Variants in DIP2C observed in about 807,000 individuals in gnomAD.
DIP2C encodes the protein disco-interacting protein 2 homolog C.
A neutral mutation model predicts 192.4 loss-of-function variants in DIP2C; 33 were observed. The observed-to-expected ratio is 0.17, with a 90% CI of 0.13 to 0.23. DIP2C has a LOEUF of 0.23. DIP2C is among the 10% of genes least tolerant of loss of function. The pLI, the probability that DIP2C is intolerant of heterozygous loss-of-function variation, is 1.00. For missense variants in DIP2C, 1,537 were observed against 2,110.1 expected (o/e 0.73, Z 5.32); for synonymous variants, 979 against 864.1 (o/e 1.13, Z -2.33).
intron 6 of DIP2C, among the ~76,000 whole-genome samples, 165 bp from the exon 7 acceptor site, chr10:416,053 G>A (rs533437412): frequency 2.0e-5 from 3 of 151,252 alleles, no homozygotes; most frequent in South Asian, 2.1e-4. Flanking sequence ...CGGTAGCCCC[G>A]TGGCTAGGCA....
Position 548,210 on chromosome 10 carries a change from C to CCCCA in DIP2C, c.86-61681_86-61680insTGGG, listed in dbSNP as rs1175137145. On this transcript the variant is annotated intron_variant, in intron 1 of 36. Transcript: ENST00000280886. The stretch of plus-strand genomic sequence containing the variant: ...TCCAATTCACACGAGTCTGCCCCAC[C>CCCCA]CCCCCCCCCACAGGAAAGCCCTGGT... Among the ~76,000 whole-genome samples the CCCCA allele has an allele frequency of 7.3e-4, 76 of 103,612 alleles. 5 individuals are homozygous for CCCCA. The highest frequency in any genetic ancestry group is 1.3e-3 in the Admixed American group (15 of 11,132). 68.0% of individuals were successfully genotyped at this position (103,612 alleles called of 152,430 possible). A position where few individuals can be genotyped will look rare whatever the true frequency, so the allele number is the denominator to read the frequency against.
chr10:617,826 C>G (rs1202170659), intron 1 of DIP2C, among the ~76,000 whole-genome samples: 1 of 152,294 alleles, frequency 6.6e-6, no homozygotes, highest in South Asian at 2.1e-4. Flanking sequence ...TAACCGCCCC[C>G]CCAGCCCCAG....
At chr10:550,467 G>C (rs1390743927) in intron 1 of DIP2C, among the ~76,000 whole-genome samples, 2 of 152,210 alleles carry the variant, frequency 1.3e-5, no homozygotes, top group African/African-American at 2.4e-5. Flanking sequence ...TATGGACAAA[G>C]TGGCTCTAAG....
intron 1 of DIP2C, among the ~76,000 whole-genome samples, chr10:517,371 C>G (rs1014831108): frequency 5.3e-5 from 8 of 152,136 alleles, no homozygotes; most frequent in African/African-American, 1.2e-4. Flanking sequence ...GGAGGGGAGT[C>G]GAGGGCAGTC....
chr10:531,302 TG>T (rs763393738), intron 1 of DIP2C, among the ~76,000 whole-genome samples: 2 of 151,886 alleles, frequency 1.3e-5, no homozygotes, highest in Admixed American at 6.6e-5. Context: ...TCCACGAACC[TG>T]ATGAACACAC....
chr10:385,044 CG>C (rs1156988102), intron 14 of DIP2C, among the ~76,000 whole-genome samples: 1 of 145,308 alleles, frequency 6.9e-6, no homozygotes, highest in Non-Finnish European at 1.5e-5. Flanking sequence ...CCAGGCTGCA[CG>C]GGCCCTGAGG....
intron 24 of DIP2C, among the ~76,000 whole-genome samples, chr10:349,780 G>A (rs1958702302): frequency 6.6e-6 from 1 of 152,100 alleles, no homozygotes; most frequent in East Asian, 1.9e-4. Context: ...AAAAAACCCT[G>A]GCAATTCTGG....
chr10:332,193 C>T (rs527248622), intron 29 of DIP2C, among the ~76,000 whole-genome samples: 1 of 152,274 alleles, frequency 6.6e-6, no homozygotes, highest in Non-Finnish European at 1.5e-5. Flanking sequence ...TTCAAGCAAT[C>T]CTCCTGCCTC....
chr10:545,897 T>C (rs565480117), intron 1 of DIP2C, among the ~76,000 whole-genome samples: 2 of 152,354 alleles, frequency 1.3e-5, no homozygotes, highest in South Asian at 2.1e-4. Context: ...TGAAGAATCA[T>C]GGACAATTTG....
intron 32 of DIP2C, among the ~76,000 whole-genome samples, chr10:292,244 G>A (rs1033828179): frequency 5.3e-5 from 8 of 152,214 alleles, no homozygotes; most frequent in African/African-American, 1.9e-4. Context: ...CATTACTGCT[G>A]ACACCCTTCC....
In DIP2C at chr10:326,885, G is replaced by A. The variant is rs574018984; in HGVS notation, c.3924+121C>T. On this transcript the variant is annotated intron_variant, in intron 31 of 36. Coordinates refer to ENST00000280886, the MANE Select transcript of DIP2C (RefSeq NM_014974.3). ...CTGCACCAACCGCATGCGTGTGACT[G>A]AAAGATCTCTTCTGGATGTAGCTAA... The A allele has an allele frequency of 2.3e-5, 29 of 1,242,396 alleles. No homozygotes were observed. In the African/African-American group the frequency reaches 3.5e-4, roughly 15 times the overall value. The allele number at this position is 1,242,396 out of a possible 1,614,324, so 77.0% of individuals were successfully genotyped here.
chr10:278,206 CCT>C (rs1203433812), intron 36 of DIP2C, among the ~76,000 whole-genome samples: 5 of 151,416 alleles, frequency 3.3e-5, no homozygotes, highest in South Asian at 2.1e-4. Context: ...GGTGCCTACT[CCT>C]CTCTGTCTGT....
intron 13 of DIP2C, among the ~76,000 whole-genome samples, chr10:388,602 C>T (rs1214116619): frequency 1.3e-5 from 2 of 151,318 alleles, no homozygotes; most frequent in African/African-American, 4.9e-5. Flanking sequence ...CCTCCACAAG[C>T]GTGACCACCC....
chr10:685,948 G>A (rs556458283), intron 1 of DIP2C, among the ~76,000 whole-genome samples: 30 of 29,502 alleles, frequency 1.0e-3, no homozygotes, highest in African/African-American at 1.5e-3. Flanking sequence ...GAGACAGAGT[G>A]AGACCGTCTC....
At chr10:298,058 G>C (rs574150276) in intron 32 of DIP2C, among the ~76,000 whole-genome samples, 1 of 152,302 alleles carries the variant, frequency 6.6e-6, no homozygotes, top group South Asian at 2.1e-4. Context: ...GTTAGAATTA[G>C]TAAGCCAACA....
chr10:507,548 C>T (rs984368517), intron 1 of DIP2C, among the ~76,000 whole-genome samples: 12 of 152,064 alleles, frequency 7.9e-5, no homozygotes, highest in Admixed American at 1.3e-4. Context: ...CAGAGGCGTG[C>T]GAGGTTAGGG....
intron 28 of DIP2C, among the ~76,000 whole-genome samples, 167 bp from the exon 29 acceptor site, chr10:341,496 G>A (rs749248596): frequency 1.1e-4 from 16 of 148,428 alleles, no homozygotes; most frequent in East Asian, 6.0e-4. Context: ...TGTTTTGAAC[G>A]CATCGGACCT....
intron 1 of DIP2C, among the ~76,000 whole-genome samples, chr10:559,822 T>G (rs1344625861): frequency 6.6e-6 from 1 of 152,140 alleles, no homozygotes; most frequent in African/African-American, 2.4e-5. Context: ...CTGGGGCCCC[T>G]GCTCAGGGTT....
At position 396,835 on chromosome 10, in the gene DIP2C, G is replaced by T. The variant is rs564562741; in HGVS notation, c.1260+2274C>A. Among the ~76,000 whole-genome samples the T allele has an allele frequency of 5.2e-3, 330 of 62,956 alleles. 2 individuals carry two copies. Among genetic ancestry groups the T allele is most frequent in the African/African-American group, 0.012 (308 of 26,624 alleles). The allele number at this position is 62,956 out of a possible 152,430, so 41.3% of individuals were successfully genotyped here. A position where few individuals can be genotyped will look rare whatever the true frequency, so the allele number is the denominator to read the frequency against. On this transcript the variant is annotated intron_variant, in intron 10 of 36. Coordinates refer to ENST00000280886, the MANE Select transcript of DIP2C (RefSeq NM_014974.3). ...CTGGCTGCAAATCCGGTGGGGGGGG[G>T]GGAAACTGGCTGCAAATCCGGTGGG...
Sources: allele counts gnomAD v4.1 joint callset (sites outside exome capture counted in the v4.1 genomes callset), GRCh38; gene constraint gnomAD v4.1.1; transcripts MANE v1.5; gene names NCBI Gene and HGNC (gene_info 2026-07-23, HGNC 2026-07-21).